ELMO2: variants seen among roughly 807,000 people sequenced by gnomAD.
The protein encoded by ELMO2 is engulfment and cell motility protein 2.
In ELMO2, 37 loss-of-function variants were observed where a neutral mutation model predicts 96.2. The observed-to-expected ratio is 0.38, with a 90% CI of 0.30 to 0.51. ELMO2 has a LOEUF of 0.51. ELMO2 is among the 20% of genes least tolerant of loss of function. The pLI, the probability that ELMO2 is intolerant of heterozygous loss-of-function variation, is 0.88. For missense variants in ELMO2, 561 were observed against 912.6 expected (o/e 0.61, Z 4.96); for synonymous variants, 315 against 329.4 (o/e 0.96, Z 0.47).
At position 46,393,538 on chromosome 20, in the gene ELMO2, G is replaced by A; in HGVS notation, c.183C>T (p.Ile61=). The A allele has an allele frequency of 3.1e-6, 5 of 1,614,184 alleles. No homozygotes were observed. Among genetic ancestry groups the A allele is most frequent in the Non-Finnish European group, 4.2e-6 (5 of 1,180,024 alleles). Residue 61 remains isoleucine (I), a synonymous_variant, in exon 5 of 22, where the codon ATC becomes ATT. Transcript: ENST00000290246. ...LRYADGPQLY[I]TEQTRSDIKN... ...CTCTCCCTGTACTAACCTGTTCGGT[G>A]ATGTACAGCTGAGGACCATCTGCAT...
intron 19 of ELMO2, among the ~76,000 whole-genome samples, chr20:46,370,813 C>T (rs2059687063): frequency 6.6e-6 from 1 of 152,144 alleles, no homozygotes; most frequent in Non-Finnish European, 1.5e-5. Flanking sequence ...ACCTTGGTGA[C>T]TCCCTTCCCC....
chr20:46,398,450 T>C (rs1282281190), intron 2 of ELMO2, among the ~76,000 whole-genome samples: 1 of 152,170 alleles, frequency 6.6e-6, no homozygotes, highest in East Asian at 1.9e-4. Flanking sequence ...GTAGCTGGAA[T>C]TACAGATACT....
chr20:46,384,381 T>C (rs1210438864), intron 9 of ELMO2, among the ~76,000 whole-genome samples: 1 of 152,176 alleles, frequency 6.6e-6, no homozygotes, highest in African/African-American at 2.4e-5. Flanking sequence ...TCCTGGTTAG[T>C]CACATGGTAC....
intron 1 of ELMO2, among the ~76,000 whole-genome samples, chr20:46,401,446 G>A (rs2060333609): frequency 6.6e-6 from 1 of 152,292 alleles, no homozygotes; most frequent in African/African-American, 2.4e-5. Flanking sequence ...AGAGGCAAAG[G>A]TGTGGTGAGA....
Position 46,375,916 on chromosome 20 carries a change from CT to C in ELMO2, c.808-127del. On this transcript the variant is annotated intron_variant, in intron 11 of 21. Transcript: ENST00000290246. This position sits in a 1 kb window ranked among gnomAD's most constrained non-coding sequence, Gnocchi z 4.6. Reference sequence around the variant, plus strand: ...AGAGCTTTCCTCCCACACACGAGGACTTCATATTCTAGAAGGCGATGGAGCA... The same window carrying C: ...AGAGCTTTCCTCCCACACACGAGGACTCATATTCTAGAAGGCGATGGAGCA... 3 of 1,289,758 alleles carry C rather than the reference CT, an allele frequency of 2.3e-6. No individual in the cohort carries two copies. Among genetic ancestry groups the C allele is most frequent in the Non-Finnish European group, 3.2e-6 (3 of 942,352 alleles). 79.9% of individuals were successfully genotyped at this position (1,289,758 alleles called of 1,614,324 possible).
intron 19 of ELMO2, among the ~76,000 whole-genome samples, chr20:46,370,728 C>T (rs2059685659): frequency 6.6e-6 from 1 of 152,192 alleles, no homozygotes; most frequent in African/African-American, 2.4e-5. Flanking sequence ...CTGTAGACCA[C>T]AGCCCAGTGA....
chr20:46,368,763 C>A, intron 21 of ELMO2, 128 bp downstream of exon 21: 1 of 940,118 alleles, frequency 1.1e-6, no homozygotes, highest in Non-Finnish European at 1.6e-6. Context: ...CTTCTCAAAG[C>A]CTTCCTAGGC....
intron 16 of ELMO2, 194 bp downstream of exon 16, chr20:46,373,205 A>T (rs2059766446): frequency 4.6e-6 from 3 of 657,458 alleles, no homozygotes; most frequent in Non-Finnish European, 7.5e-6. Flanking sequence ...ACCAAGTGGA[A>T]GACAAGCTCA....
chr20:46,372,044 GCT>G, intron 16 of ELMO2, 75 bp from the exon 17 acceptor site: 2 of 1,581,490 alleles, frequency 1.3e-6, no homozygotes, highest in South Asian at 2.3e-5. Flanking sequence ...GAGCACCAAG[GCT>G]CTTTCCTGCC....
intron 11 of ELMO2, among the ~76,000 whole-genome samples, chr20:46,377,266 T>A (rs1348714255): frequency 2.6e-5 from 4 of 152,254 alleles, no homozygotes; most frequent in Admixed American, 6.5e-5. Context: ...GTCTTATTAA[T>A]AATATTTCAT....
intron 1 of ELMO2, among the ~76,000 whole-genome samples, chr20:46,400,079 A>G (rs2060310898): frequency 6.6e-6 from 1 of 152,252 alleles, no homozygotes. Context: ...TCGAGGCTGC[A>G]GTGAACTATG....
At chr20:46,377,850 C>G (rs981056457) in intron 11 of ELMO2, among the ~76,000 whole-genome samples, 2 of 152,170 alleles carry the variant, frequency 1.3e-5, no homozygotes, top group Non-Finnish European at 2.9e-5. Flanking sequence ...GCCCCCTGCC[C>G]CATAACTTCC....
chr20:46,381,983 G>C (rs558427241), intron 10 of ELMO2, among the ~76,000 whole-genome samples: 1 of 152,300 alleles, frequency 6.6e-6, no homozygotes, highest in South Asian at 2.1e-4. Flanking sequence ...ATAAAGGAAG[G>C]CTGGGGCCAC....
intron 11 of ELMO2, chr20:46,379,942 T>C (rs1341258439): frequency 4.2e-6 from 1 of 239,494 alleles, no homozygotes; most frequent in East Asian, 8.3e-5. Flanking sequence ...TGAGTTATTT[T>C]CCCCCTTTGT....
chr20:46,385,485 G>A (rs1361206815), intron 9 of ELMO2, among the ~76,000 whole-genome samples: 1 of 152,220 alleles, frequency 6.6e-6, no homozygotes, highest in Non-Finnish European at 1.5e-5. Flanking sequence ...CTCACAGTGT[G>A]AGAGGTGAAG....
rs1305403843 is a variant in ELMO2 at position 46,374,657 on chromosome 20, A to G, written c.1066-17T>C. 6.2e-7 allele frequency: 1 copy of G among 1,611,890 alleles called. No homozygotes were observed. Among genetic ancestry groups the G allele is most frequent in the Non-Finnish European group, 8.5e-7 (1 of 1,178,292 alleles). ...GATGTGGTTCTAGAGAAATAAAGACACCCAATTTGAGATGCGGCAGTCTCC... is the reference window on the plus strand; with the variant it reads ...GATGTGGTTCTAGAGAAATAAAGACGCCCAATTTGAGATGCGGCAGTCTCC... On this transcript the variant is annotated splice_polypyrimidine_tract_variant and intron_variant, in intron 13 of 21. Transcript: ENST00000290246.
rs561672908 is a variant in ELMO2, at chr20:46,382,150, T to A, written c.756+1266A>T. The stretch of plus-strand genomic sequence containing the variant: ...TCAGACCATGAGATTCTTGCCTAGC[T>A]TTGACTTCCCCACCTGCAAGAGCTG... On this transcript the variant is annotated intron_variant, in intron 10 of 21. Transcript: ENST00000290246. 1.0e-3 allele frequency: 1,301 copies of A among 1,280,648 alleles called. 1 individual carries two copies. Among genetic ancestry groups the A allele is most frequent in the Non-Finnish European group, 1.3e-3 (1,265 of 980,620 alleles). The allele number at this position is 1,280,648 out of a possible 1,614,324, so 79.3% of individuals were successfully genotyped here.
intron 3 of ELMO2, 106 bp downstream of exon 3, chr20:46,394,299 C>T (rs1391724225): frequency 8.1e-6 from 11 of 1,349,870 alleles, no homozygotes; most frequent in East Asian, 2.4e-5. Flanking sequence ...TCCTGTTGCT[C>T]GTTCTTACTC....
intron 10 of ELMO2, 76 bp from the exon 11 acceptor site, chr20:46,380,379 G>T: frequency 8.0e-7 from 1 of 1,255,076 alleles, no homozygotes; most frequent in Non-Finnish European, 1.1e-6. Context: ...GGAAGGTGAT[G>T]TCAAAATTCT....
Sources: allele counts gnomAD v4.1 joint callset (sites outside exome capture counted in the v4.1 genomes callset), GRCh38; gene constraint gnomAD v4.1.1; non-coding constraint Gnocchi (gnomAD v3.1); transcripts MANE v1.5; gene names NCBI Gene and HGNC (gene_info 2026-07-23, HGNC 2026-07-21).